STUM: variants seen among roughly 807,000 people sequenced by gnomAD.
STUM encodes stum, mechanosensory transduction mediator homolog.
In STUM, 8 loss-of-function variants were observed where a neutral mutation model predicts 15.3. The observed-to-expected ratio is 0.52, with a 90% CI of 0.31 to 0.94. The LOEUF (loss-of-function observed/expected upper bound fraction) is 0.94, where lower values mean the gene tolerates loss of function less well. Ranked by LOEUF, STUM falls within the 40% of genes least tolerant of loss-of-function variation. STUM has a pLI of 0.05. For missense variants in STUM, 142 were observed against 204.9 expected, an observed-to-expected ratio of 0.69 and a Z score of 1.87; for synonymous variants, 78 against 88.7, an observed-to-expected ratio of 0.88 and a Z score of 0.68.
intron 1 of STUM, among the ~76,000 whole-genome samples, chr1:226,561,165 T>C (rs889489086): frequency 3.9e-5 from 6 of 152,142 alleles, no homozygotes; most frequent in African/African-American, 1.4e-4. Context: ...AGATTCTGGT[T>C]CTTTGGTTGT....
intron 1 of STUM, among the ~76,000 whole-genome samples, chr1:226,558,365 A>G (rs957229041): frequency 1.3e-5 from 2 of 152,174 alleles, no homozygotes; most frequent in Non-Finnish European, 2.9e-5. Flanking sequence ...TATTTCTCTG[A>G]GTGGCAACTG....
intron 2 of STUM, 99 bp downstream of exon 2, chr1:226,597,080 C>A: frequency 8.7e-7 from 1 of 1,151,288 alleles, no homozygotes; most frequent in Non-Finnish European, 1.3e-6. Context: ...CCTGCTCACC[C>A]GCTAAGCACG....
At chr1:226,560,232 G>A (rs1040369677) in intron 1 of STUM, among the ~76,000 whole-genome samples, 9 of 152,172 alleles carry the variant, frequency 5.9e-5, no homozygotes, top group African/African-American at 9.7e-5. Context: ...CCTCAGCCCT[G>A]GCTTCCAACC....
chr1:226,585,821 C>A lies in STUM; in HGVS notation c.203-10981C>A, dbSNP rs563010059. On this transcript the variant is annotated intron_variant, in intron 1 of 3. Coordinates refer to ENST00000366788, the MANE Select transcript of STUM (RefSeq NM_001003665.4). ...ATTCGGTATGATTTTAAGGAGGGGA[C>A]ATGTCTTAGTTCAGGCTGCTATAAC... 3.9e-5 allele frequency among the ~76,000 whole-genome samples: 6 copies of A among 152,246 alleles called. No individual in the cohort carries two copies. The East Asian group carries it at 1.2e-3, about 29-fold the overall frequency.
In STUM at chr1:226,576,990, C is replaced by T. The variant is rs528579288; in HGVS notation, c.203-19812C>T. On this transcript the variant is annotated intron_variant, in intron 1 of 3. Coordinates refer to ENST00000366788, the MANE Select transcript of STUM (RefSeq NM_001003665.4). ...ACCCACACACTTCCTTAGTGACCAC[C>T]GCTGCTCCCTCCTGGTCTAAGCACC... 1.6e-4 allele frequency among the ~76,000 whole-genome samples: 25 copies of T among 152,348 alleles called. No homozygotes were observed. The South Asian group carries it at 3.5e-3, about 21-fold the overall frequency.
rs713566 is a variant in STUM at position 226,564,458 on chromosome 1, A to G, written c.202+15352A>G. ...GCATCATGGGAGCGGACTGCCACCA[A>G]TCATGGGGGGAAAAGAGTGTGATTC... On this transcript the variant is annotated intron_variant, in intron 1 of 3. Coordinates refer to ENST00000366788, the MANE Select transcript of STUM (RefSeq NM_001003665.4). Among the ~76,000 whole-genome samples, 1,368 of 152,278 alleles carry G rather than the reference A, an allele frequency of 9.0e-3. 33 individuals carry two copies. In the South Asian group the frequency reaches 0.1, roughly 11 times the overall value.
At position 226,604,732 on chromosome 1, in the gene STUM, C is replaced by T. The variant is rs1180950473; in HGVS notation, c.*2692C>T. The T allele has an allele frequency of 6.6e-6, 1 of 152,278 alleles. No individual in the cohort carries two copies. Among genetic ancestry groups the T allele is most frequent in the Admixed American group, 6.5e-5 (1 of 15,290 alleles). The allele number at this position is 152,278 out of a possible 1,614,324, so 9.4% of individuals were successfully genotyped here. On this transcript the variant is annotated 3_prime_UTR_variant, in exon 4 of 4. Transcript: ENST00000366788. The surrounding 1 kb of genome is among the most constrained non-coding windows in gnomAD (Gnocchi z 4.7). Reference sequence around the variant, plus strand: ...GACACACAGCCCTTTGGTGACAAAGCTGGGCTTTGCCTGCATAGTGCAGAC... The same window carrying T: ...GACACACAGCCCTTTGGTGACAAAGTTGGGCTTTGCCTGCATAGTGCAGAC...
Position 226,596,810 on chromosome 1 carries a change from G to A in STUM, c.211G>A (p.Val71Ile), listed in dbSNP as rs776251071. Residue 71 changes from valine to isoleucine, a missense_variant, in exon 2 of 4, where the codon GTC becomes ATC. This residue lies in a region of STUM where 113 missense variants were observed against 134.4 expected (regional missense o/e 0.84). Coordinates refer to ENST00000366788, the MANE Select transcript of STUM (RefSeq NM_001003665.4). ...CCTCTGGCCTCTCACAGGGACATTC[G>A]TCTCGGCCTTCACTGTGCTGTGCGG... ...NTFVPGLGTFVSAFTVLCGAR... is the reference protein window; with the variant it reads ...NTFVPGLGTFISAFTVLCGAR... The A allele has an allele frequency of 7.4e-5, 119 of 1,610,382 alleles. No homozygotes were observed. The highest frequency in any genetic ancestry group is 1.3e-4 in the East Asian group (6 of 44,770).
intron 1 of STUM, among the ~76,000 whole-genome samples, chr1:226,587,844 G>A (rs1668020882): frequency 6.6e-6 from 1 of 152,258 alleles, no homozygotes; most frequent in East Asian, 1.9e-4. Context: ...GTTGATCAAA[G>A]GTGGGTTATT....
intron 1 of STUM, among the ~76,000 whole-genome samples, chr1:226,562,408 G>T (rs1477014133): frequency 2.0e-5 from 3 of 151,720 alleles, no homozygotes; most frequent in Non-Finnish European, 2.9e-5. Flanking sequence ...GGCATAGGTT[G>T]CAGTGAGCCG....
At chr1:226,581,809 G>A (rs925304771) in intron 1 of STUM, among the ~76,000 whole-genome samples, 3 of 152,180 alleles carry the variant, frequency 2.0e-5, no homozygotes, top group East Asian at 1.9e-4. Context: ...ATTTCATCCT[G>A]AGCCAGGCCT....
At chr1:226,575,220 C>G (rs559444112) in intron 1 of STUM, among the ~76,000 whole-genome samples, 2 of 152,342 alleles carry the variant, frequency 1.3e-5, no homozygotes, top group South Asian at 4.1e-4. Context: ...TTTGTGAGGA[C>G]TAGATCAGGC....
rs1230435547 is a variant in STUM, at chr1:226,597,055, A to G, written c.382+74A>G. On this transcript the variant is annotated intron_variant, in intron 2 of 3. Coordinates refer to ENST00000366788, the MANE Select transcript of STUM (RefSeq NM_001003665.4). ...GACAGGAAGGGCTTGGGAGACCTTC[A>G]TGTCTGGCCGAGGTCCTGCTCACCC... 5 of 1,417,024 alleles carry G rather than the reference A, an allele frequency of 3.5e-6. No individual in the cohort carries two copies. In the East Asian group the frequency reaches 6.8e-5, roughly 19 times the overall value. 87.8% of individuals were successfully genotyped at this position (1,417,024 alleles called of 1,614,324 possible).
rs759835997 is a variant in STUM, at chr1:226,548,932, ACGGCGG to A, written c.44_49del (p.Ala15_Ala16del). On this transcript the variant is annotated inframe_deletion, in exon 1 of 4. Transcript: ENST00000366788. Reference sequence around the variant, plus strand: ...GGAGCCCTCGCACAAAGACGCCGAGACGGCGGCGGCGGCGGCGGCGGTGGCGGCGGC... The same window carrying A: ...GGAGCCCTCGCACAAAGACGCCGAGACGGCGGCGGCGGCGGTGGCGGCGGC... The A allele has an allele frequency of 3.3e-5, 47 of 1,443,332 alleles. No homozygotes were observed. Among genetic ancestry groups the A allele is most frequent in the African/African-American group, 1.7e-4 (11 of 66,592 alleles). The allele number at this position is 1,443,332 out of a possible 1,614,324, so 89.4% of individuals were successfully genotyped here. A position where few individuals can be genotyped will look rare whatever the true frequency, so the allele number is the denominator to read the frequency against.
Position 226,600,617 on chromosome 1 carries a change from TTC to T in STUM, c.383-40_383-39del. The T allele has an allele frequency of 2.5e-6, 4 of 1,608,288 alleles. No homozygotes were observed. Among genetic ancestry groups the T allele is most frequent in the Non-Finnish European group, 1.7e-6 (2 of 1,178,918 alleles). ...TGTTTTCAGGCTGTGTTTTCTCTTCTTCTCTCTCTCCTCTTCCTCCTGCTGCC... is the reference window on the plus strand; with the variant it reads ...TGTTTTCAGGCTGTGTTTTCTCTTCTTCTCTCTCCTCTTCCTCCTGCTGCC... On this transcript the variant is annotated intron_variant, in intron 2 of 3. Coordinates refer to ENST00000366788, the MANE Select transcript of STUM (RefSeq NM_001003665.4). This position sits in a 1 kb window ranked among gnomAD's most constrained non-coding sequence, Gnocchi z 5.2.
At chr1:226,573,769 T>G (rs1466258089) in intron 1 of STUM, among the ~76,000 whole-genome samples, 1 of 151,988 alleles carries the variant, frequency 6.6e-6, no homozygotes, top group African/African-American at 2.4e-5. Flanking sequence ...CATAGTTACG[T>G]TTTTGTGTAT....
intron 1 of STUM, among the ~76,000 whole-genome samples, chr1:226,590,288 G>T (rs77585899): frequency 0.014 from 2,193 of 152,194 alleles, 23 homozygotes; most frequent in Middle Eastern, 0.041. Context: ...CAAGCCCCCT[G>T]ACCTCCTGCT....
rs988768572 is a variant in STUM, at chr1:226,603,779, T to G, written c.*1739T>G. The G allele has an allele frequency of 6.6e-6, 1 of 152,366 alleles. No individual in the cohort carries two copies. The highest frequency in any genetic ancestry group is 1.5e-5 in the Non-Finnish European group (1 of 68,194). The allele number at this position is 152,366 out of a possible 1,614,324, so 9.4% of individuals were successfully genotyped here. A position where few individuals can be genotyped will look rare whatever the true frequency, so the allele number is the denominator to read the frequency against. ...ATTGCTGCCTGGGGCTGGGCTGCCG[T>G]TTTTGAACACCTGGCAGTGTCTTTG... On this transcript the variant is annotated 3_prime_UTR_variant, in exon 4 of 4. Transcript: ENST00000366788.
intron 1 of STUM, among the ~76,000 whole-genome samples, chr1:226,574,070 A>G (rs954855710): frequency 1.3e-5 from 2 of 152,224 alleles, no homozygotes; most frequent in Non-Finnish European, 2.9e-5. Context: ...TCCTGACCTC[A>G]AATGATCCTC....
Sources: gnomAD v4.1 joint callset for allele counts (sites outside exome capture counted in the v4.1 genomes callset) on GRCh38, gnomAD v4.1.1 for gene constraint, gnomAD v4.1.1 regional missense constraint, Gnocchi (gnomAD v3.1) non-coding constraint, MANE v1.5 for transcripts, NCBI Gene and HGNC (gene_info 2026-07-23, HGNC 2026-07-21) for gene names.